The following KCNMA1 variants were observed in gnomAD, a reference collection of about 807,000 sequenced individuals.
KCNMA1 encodes potassium calcium-activated channel subfamily M alpha 1, also known as Calcium-activated potassium channel subunit alpha-1.
Under a neutral mutation model 140.0 loss-of-function variants are expected in KCNMA1, and 29 were observed. The ratio of observed to expected loss-of-function variants is 0.21; its 90% CI spans 0.15 to 0.28. The LOEUF is 0.28. Ranked by LOEUF, KCNMA1 falls within the 10% of genes least tolerant of loss-of-function variation. KCNMA1 has a pLI of 1.00. For synonymous variants in KCNMA1, 612 were observed against 611.9 expected (o/e 1.00, Z 0.00); for missense variants, 880 against 1,602.2 (o/e 0.55, Z 7.70).
chr10:76,920,014 GTGTGTGTATA>G (rs1390359127), intron 23 of KCNMA1, among the ~76,000 whole-genome samples: 14 of 44,516 alleles, frequency 3.1e-4, no homozygotes, highest in African/African-American at 1.8e-3. Context: ...GTGTGTGTGT[GTGTGTGTATA>G]TATATATATA....
intron 25 of KCNMA1, among the ~76,000 whole-genome samples, chr10:76,894,142 A>G (rs902604809): frequency 1.3e-5 from 2 of 152,232 alleles, no homozygotes; most frequent in Non-Finnish European, 2.9e-5. Context: ...AGACCAATGG[A>G]AAATAATTGA....
intron 1 of KCNMA1, 138 bp downstream of exon 1, chr10:77,637,127 G>A: frequency 7.9e-7 from 1 of 1,263,686 alleles, no homozygotes; most frequent in Non-Finnish European, 1.1e-6. Context: ...GAGAGCCGAG[G>A]GAAGGGAAGG....
chr10:77,385,719 A>G (rs1027831647), intron 2 of KCNMA1, among the ~76,000 whole-genome samples: 40 of 152,218 alleles, frequency 2.6e-4, no homozygotes, highest in African/African-American at 9.2e-4. Flanking sequence ...AGGAGAGCAG[A>G]AGAAGGACAG....
At chr10:77,245,168 A>C (rs548062526) in intron 3 of KCNMA1, among the ~76,000 whole-genome samples, 12 of 152,290 alleles carry the variant, frequency 7.9e-5, no homozygotes, top group African/African-American at 2.9e-4. Context: ...TTCTCAAAAA[A>C]GGGCATGAAG....
chr10:76,964,401 G>T (rs916953505), intron 20 of KCNMA1, among the ~76,000 whole-genome samples: 2 of 152,134 alleles, frequency 1.3e-5, no homozygotes, highest in African/African-American at 4.8e-5. Flanking sequence ...AGTCCTACAG[G>T]AGGTTGTACA....
intron 5 of KCNMA1, among the ~76,000 whole-genome samples, chr10:77,172,552 T>C (rs1014973596): frequency 3.3e-5 from 5 of 152,094 alleles, no homozygotes; most frequent in African/African-American, 9.7e-5. Context: ...AAATTTTTAG[T>C]ATTCCACTTG....
intron 2 of KCNMA1, among the ~76,000 whole-genome samples, chr10:77,390,395 T>A (rs1036161498): frequency 1.3e-5 from 2 of 152,206 alleles, no homozygotes; most frequent in Admixed American, 6.5e-5. Flanking sequence ...GTGAGTAAAC[T>A]GTTTTCTCTC....
intron 1 of KCNMA1, among the ~76,000 whole-genome samples, chr10:77,406,781 G>T (rs767572602): frequency 1.3e-5 from 2 of 152,122 alleles, no homozygotes; most frequent in African/African-American, 2.4e-5. Context: ...CACATCTGAG[G>T]CTCTAGTGTT....
chr10:77,616,424 G>A (rs929571160), intron 1 of KCNMA1, among the ~76,000 whole-genome samples: 1 of 152,220 alleles, frequency 6.6e-6, no homozygotes, highest in Non-Finnish European at 1.5e-5. Context: ...TTTGTAGCAA[G>A]TGCTACCCTC....
At chr10:77,366,146 TTCTC>T (rs34081325) in intron 2 of KCNMA1, among the ~76,000 whole-genome samples, 1 of 150,506 alleles carries the variant, frequency 6.6e-6, no homozygotes, top group South Asian at 2.1e-4. Context: ...CTCTCTCTCT[TTCTC>T]TTTCTTTCTT....
intron 2 of KCNMA1, among the ~76,000 whole-genome samples, chr10:77,340,475 A>G (rs534334664): frequency 4.6e-5 from 7 of 152,310 alleles, no homozygotes; most frequent in African/African-American, 1.4e-4. Flanking sequence ...ACGTCCATCA[A>G]TGATAGACTG....
chr10:77,179,909 G>A (rs1417324254), intron 5 of KCNMA1, among the ~76,000 whole-genome samples: 1 of 152,182 alleles, frequency 6.6e-6, no homozygotes, highest in Non-Finnish European at 1.5e-5. Context: ...GTCTCTATGA[G>A]TACACCGTTA....
intron 14 of KCNMA1, chr10:77,071,172 G>C (rs2096195232): frequency 6.6e-6 from 1 of 152,228 alleles, no homozygotes; most frequent in South Asian, 2.1e-4. Flanking sequence ...GGCCCATCAG[G>C]GTCTGGAGGA....
At chr10:76,958,576 T>A (rs2069412212) in intron 20 of KCNMA1, among the ~76,000 whole-genome samples, 1 of 152,164 alleles carries the variant, frequency 6.6e-6, no homozygotes, top group Non-Finnish European at 1.5e-5. Flanking sequence ...AAAGAAGTAA[T>A]TAAGTTAAAA....
At chr10:77,266,074 C>T (rs780762663) in intron 2 of KCNMA1, among the ~76,000 whole-genome samples, 1 of 80,890 alleles carries the variant, frequency 1.2e-5, no homozygotes, top group Non-Finnish European at 2.5e-5. Flanking sequence ...AGAGTGAAAA[C>T]CTGCCAAAAA....
intron 1 of KCNMA1, among the ~76,000 whole-genome samples, chr10:77,585,262 C>T (rs866613698): frequency 5.3e-5 from 8 of 152,138 alleles, no homozygotes; most frequent in African/African-American, 4.8e-5. Flanking sequence ...GAGTCTCAGC[C>T]CCACAACGCA....
intron 1 of KCNMA1, among the ~76,000 whole-genome samples, chr10:77,563,326 C>T (rs550023572): frequency 2.4e-4 from 36 of 151,964 alleles, no homozygotes; most frequent in Non-Finnish European, 3.8e-4. Flanking sequence ...TTAAAAGAAC[C>T]GCATAGAATT....
intron 19 of KCNMA1, among the ~76,000 whole-genome samples, chr10:77,000,426 CA>C (rs1299906640): frequency 6.6e-6 from 1 of 152,120 alleles, no homozygotes; most frequent in African/African-American, 2.4e-5. Flanking sequence ...AGGAAAACAG[CA>C]AAGTCCATGG....
At chr10:77,423,084 A>G (rs1428462582) in intron 1 of KCNMA1, among the ~76,000 whole-genome samples, 1 of 152,222 alleles carries the variant, frequency 6.6e-6, no homozygotes, top group Non-Finnish European at 1.5e-5. Flanking sequence ...TCCCTTTGTC[A>G]TCACTGCTAG....
Sources: allele counts gnomAD v4.1 joint callset (sites outside exome capture counted in the v4.1 genomes callset), GRCh38; gene constraint gnomAD v4.1.1; transcripts MANE v1.5; gene names NCBI Gene and HGNC (gene_info 2026-07-23, HGNC 2026-07-21).